The following ENO1 variants were observed in gnomAD, a reference collection of about 807,000 sequenced individuals.
ENO1 encodes the protein alpha-enolase.
Under a neutral mutation model 46.3 loss-of-function variants are expected in ENO1, and 33 were observed. That is an observed-to-expected ratio of 0.71 (90% CI 0.54 to 0.95). The LOEUF (loss-of-function observed/expected upper bound fraction) is 0.95. Among genes scored for constraint, ENO1 ranks in the 40% least tolerant of loss-of-function variants. The probability of loss-of-function intolerance (pLI) is 0.00; values close to 1 mark genes in which losing one functional copy is unlikely to be tolerated. For synonymous variants in ENO1, 220 were observed against 216.0 expected, an observed-to-expected ratio of 1.02 and a Z score of -0.16; for missense variants, 488 against 553.3, an observed-to-expected ratio of 0.88 and a Z score of 1.18.
intron 3 of ENO1, 110 bp downstream of exon 3, chr1:8,871,781 C>A: frequency 7.6e-7 from 1 of 1,321,808 alleles, no homozygotes; most frequent in Non-Finnish European, 1.1e-6. Context: ...AGCAGGTTTA[C>A]CTGCCATAAA....
intron 1 of ENO1, chr1:8,876,143 C>T (rs1642727173): frequency 6.6e-6 from 1 of 152,034 alleles, no homozygotes; most frequent in Non-Finnish European, 1.5e-5. Flanking sequence ...ACTAACTGAA[C>T]AACTTATAGA....
At chr1:8,869,926 G>C (rs1306710482) in intron 4 of ENO1, among the ~76,000 whole-genome samples, 1 of 152,170 alleles carries the variant, frequency 6.6e-6, no homozygotes, top group African/African-American at 2.4e-5. Context: ...AATTACGGAG[G>C]GACGGGCCGA....
chr1:8,875,266 G>C (rs1450890105), intron 1 of ENO1, among the ~76,000 whole-genome samples: 4 of 151,424 alleles, frequency 2.6e-5, no homozygotes, highest in Non-Finnish European at 4.4e-5. Context: ...GCATAAATGG[G>C]TTAAACCCTA....
At chr1:8,871,014 T>C (rs2124090954) in intron 3 of ENO1, 2 of 1,241,738 alleles carry the variant, frequency 1.6e-6, no homozygotes, top group Non-Finnish European at 2.0e-6. Flanking sequence ...ATGCGTTCAA[T>C]CTTCCACAAA....
At chr1:8,876,426 AC>A (rs1410940988) in intron 1 of ENO1, 1 of 152,178 alleles carries the variant, frequency 6.6e-6, no homozygotes, top group Non-Finnish European at 1.5e-5. Flanking sequence ...CAAATTATAT[AC>A]CCGAGTAACA....
At chr1:8,863,007 G>A in intron 10 of ENO1, 62 bp from the exon 11 acceptor site, 2 of 1,591,206 alleles carry the variant, frequency 1.3e-6, no homozygotes, top group Non-Finnish European at 1.7e-6. Context: ...TTCTGGCAGG[G>A]AGAGGGTGTG....
chr1:8,866,213 G>A (rs1215453038), intron 7 of ENO1, 66 bp downstream of exon 7: 18 of 1,399,700 alleles, frequency 1.3e-5, no homozygotes, highest in African/African-American at 7.3e-5. Context: ...AGGTGTGGAC[G>A]ACCCCCCAAC....
intron 7 of ENO1, 35 bp from the exon 8 acceptor site, chr1:8,865,517 A>G: frequency 6.2e-7 from 1 of 1,607,036 alleles, no homozygotes; most frequent in Non-Finnish European, 8.5e-7. Flanking sequence ...TTTGGAAAAC[A>G]GGTAGGTACA....
intron 4 of ENO1, among the ~76,000 whole-genome samples, chr1:8,869,027 A>G (rs1377585208): frequency 6.6e-6 from 1 of 152,150 alleles, no homozygotes; most frequent in Non-Finnish European, 1.5e-5. Flanking sequence ...TATTAATAAC[A>G]AGGCATTATT....
chr1:8,863,079 G>T, intron 10 of ENO1, 134 bp from the exon 11 acceptor site: 1 of 1,351,660 alleles, frequency 7.4e-7, no homozygotes, highest in Non-Finnish European at 1.0e-6. Flanking sequence ...CAACATACAG[G>T]CAGGGCGCTC....
At chr1:8,877,968 G>A (rs1368983587) in intron 1 of ENO1, 1 of 152,428 alleles carries the variant, frequency 6.6e-6, no homozygotes, top group Admixed American at 6.5e-5. Context: ...GTCGCCTGGA[G>A]GACTTGCCAA....
At chr1:8,870,907 G>A (rs1642618849) in intron 3 of ENO1, 1 of 1,254,858 alleles carries the variant, frequency 8.0e-7, no homozygotes, top group East Asian at 2.9e-5. Flanking sequence ...GATGAAGAAG[G>A]AAAAATGAGA....
At chr1:8,874,205 G>C (rs1158094504) in intron 2 of ENO1, among the ~76,000 whole-genome samples, 1 of 152,082 alleles carries the variant, frequency 6.6e-6, no homozygotes, top group Non-Finnish European at 1.5e-5. Context: ...GCCCCTTTAG[G>C]GACAAGGTCT....
At chr1:8,862,686 G>A (rs940360166) in intron 11 of ENO1, among the ~76,000 whole-genome samples, 3 of 152,228 alleles carry the variant, frequency 2.0e-5, no homozygotes, top group Admixed American at 1.3e-4. Flanking sequence ...CTCTGGTGGC[G>A]CTGCAGTGGG....
rs910855681 is a variant in ENO1 at position 8,865,615 on chromosome 1, C to CA, written c.668-134dup. Reference sequence around the variant, plus strand: ...AGGCCCCAACCAGTAGTTCTGACATCAGTTACTTTTTTTCTGCTTTGGGGC... The same window carrying CA: ...AGGCCCCAACCAGTAGTTCTGACATCAAGTTACTTTTTTTCTGCTTTGGGGC... On this transcript the variant is annotated intron_variant, in intron 7 of 11. Coordinates refer to ENST00000234590, the MANE Select transcript of ENO1 (RefSeq NM_001428.5). 1.2e-4 allele frequency: 104 copies of CA among 844,746 alleles called. 1 individual carries two copies. The African/African-American group carries it at 1.6e-3, about 13-fold the overall frequency. The allele number at this position is 844,746 out of a possible 1,614,324, so 52.3% of individuals were successfully genotyped here.
At chr1:8,868,187 C>CA in intron 4 of ENO1, 130 bp from the exon 5 acceptor site, 5 of 758,116 alleles carry the variant, frequency 6.6e-6, no homozygotes, top group South Asian at 1.8e-5. Context: ...GTTTTATAAG[C>CA]AAAAAAAGTG....
rs1642393524 is a variant in ENO1 at position 8,861,146 on chromosome 1, T to C, written c.*214A>G. Reference sequence around the variant, plus strand: ...CGAGAAAAACAATGACTTGGGCCAATTACACGACTGCAAAGCTAGAGCTGC... The same window carrying C: ...CGAGAAAAACAATGACTTGGGCCAACTACACGACTGCAAAGCTAGAGCTGC... On this transcript the variant is annotated 3_prime_UTR_variant, in exon 12 of 12. Coordinates refer to ENST00000234590, the MANE Select transcript of ENO1 (RefSeq NM_001428.5). 6 of 528,368 alleles carry C rather than the reference T, an allele frequency of 1.1e-5. No individual in the cohort carries two copies. The South Asian group carries it at 1.6e-4, about 15-fold the overall frequency. 32.7% of individuals were successfully genotyped at this position (528,368 alleles called of 1,614,324 possible).
At position 8,861,370 on chromosome 1, in the gene ENO1, A is replaced by G; in HGVS notation, c.1295T>C (p.Leu432Ser). Residue 432 changes from leucine to serine, a missense_variant, in exon 12 of 12, where the codon TTG becomes TCG. Transcript: ENST00000234590. ...KFAGRNFRNP[L>S]AK Reference sequence around the variant, plus strand: ...TTGCCTGCCCACAGCTTACTTGGCCAAGGGGTTTCTGAAGTTCCTGCCGGC... The same window carrying G: ...TTGCCTGCCCACAGCTTACTTGGCCGAGGGGTTTCTGAAGTTCCTGCCGGC... The G allele has an allele frequency of 6.2e-7, 1 of 1,613,962 alleles. No individual in the cohort carries two copies.
intron 10 of ENO1, 67 bp from the exon 11 acceptor site, chr1:8,863,012 G>A: frequency 6.3e-7 from 1 of 1,584,260 alleles, no homozygotes; most frequent in Non-Finnish European, 8.6e-7. Context: ...GCAGGGAGAG[G>A]GTGTGGTGTC....
Sources: allele counts gnomAD v4.1 joint callset (sites outside exome capture counted in the v4.1 genomes callset), GRCh38; gene constraint gnomAD v4.1.1; transcripts MANE v1.5; gene names NCBI Gene and HGNC (gene_info 2026-07-23, HGNC 2026-07-21).